The following CRAMP1 variants were observed in gnomAD, a reference collection of about 807,000 sequenced individuals.
The protein encoded by CRAMP1 is cramped chromatin regulator 1.
A neutral mutation model predicts 115.4 loss-of-function variants in CRAMP1; 50 were observed. That is an observed-to-expected ratio of 0.43 (90% CI 0.35 to 0.55). CRAMP1 has a LOEUF of 0.55. Among genes scored for constraint, CRAMP1 ranks in the 20% least tolerant of loss-of-function variants. The probability of loss-of-function intolerance (pLI) is 0.01; values close to 1 mark genes in which losing one functional copy is unlikely to be tolerated. For missense variants in CRAMP1, 1,679 were observed against 1,721.7 expected, an observed-to-expected ratio of 0.98 and a Z score of 0.44; for synonymous variants, 866 against 745.4, an observed-to-expected ratio of 1.16 and a Z score of -2.64.
chr16:1,658,535 G>T (rs1252456491), intron 10 of CRAMP1, among the ~76,000 whole-genome samples: 1 of 152,160 alleles, frequency 6.6e-6, no homozygotes, highest in African/African-American at 2.4e-5. Context: ...TAGGGAGGCT[G>T]ACTTGGGGTG....
In CRAMP1 at chr16:1,671,906, T is replaced by A. The variant is rs2036926293; in HGVS notation, c.3645+1097T>A. Among the ~76,000 whole-genome samples the A allele has an allele frequency of 6.6e-6, 1 of 152,208 alleles. No homozygotes were observed. The highest frequency in any genetic ancestry group is 2.4e-5 in the African/African-American group (1 of 41,458). Reference sequence around the variant, plus strand: ...CAAATATACACATAGACACAATTAATAGCGTAGACCTCCATCTCACAGTGT... The same window carrying A: ...CAAATATACACATAGACACAATTAAAAGCGTAGACCTCCATCTCACAGTGT... On this transcript the variant is annotated intron_variant, in intron 20 of 20. Coordinates refer to ENST00000397412, the MANE Select transcript of CRAMP1 (RefSeq NM_020825.4). This position sits in a 1 kb window ranked among gnomAD's most constrained non-coding sequence, Gnocchi z 5.0.
At chr16:1,665,266 A>C (rs1567461630) in intron 14 of CRAMP1, 128 bp downstream of exon 14, 1 of 707,038 alleles carries the variant, frequency 1.4e-6, no homozygotes. Flanking sequence ...TCTACCGACA[A>C]ATACCTAATG....
At position 1,655,239 on chromosome 16, in the gene CRAMP1, G is replaced by A. The variant is rs1315005647; in HGVS notation, c.1058G>A (p.Arg353Gln). The A allele has an allele frequency of 6.2e-7, 1 of 1,613,938 alleles. No individual in the cohort carries two copies. The highest frequency in any genetic ancestry group is 1.7e-5 in the Admixed American group (1 of 60,030). ...PRLRMIVELH[R>Q]KVSSLIEFLK... ...CGTAGGATGATCGTGGAGCTACATC[G>A]AAAGGTCTCCAGCCTCATCGAATTC... Residue 353 changes from arginine (R) to glutamine (Q), a missense_variant, in exon 9 of 21, where the codon CGA (arginine) becomes CAA (glutamine). This residue lies in a region of CRAMP1 where 191 missense variants were observed against 236.2 expected (regional missense o/e 0.81). Coordinates refer to ENST00000397412, the MANE Select transcript of CRAMP1 (RefSeq NM_020825.4).
At chr16:1,615,848 G>A (rs1313087189) in intron 2 of CRAMP1, among the ~76,000 whole-genome samples, 2 of 152,140 alleles carry the variant, frequency 1.3e-5, no homozygotes, top group Non-Finnish European at 2.9e-5. Context: ...TCAGCTTCCA[G>A]TGAGTTTCAC....
At chr16:1,663,660 C>A (rs558827544) in intron 13 of CRAMP1, among the ~76,000 whole-genome samples, 95 of 152,268 alleles carry the variant, frequency 6.2e-4, no homozygotes, top group Non-Finnish European at 9.7e-4. Flanking sequence ...TGTACGACGA[C>A]CATCACCATG....
chr16:1,666,296 A>G lies in CRAMP1; in HGVS notation c.2857+119A>G, dbSNP rs1316640459. ...TAATGTCTCATTACCCTTCACCAAG[A>G]ACATCTAAGCCCTTGGCTCTTGCAT... On this transcript the variant is annotated intron_variant, in intron 15 of 20. Transcript: ENST00000397412. This position sits in a 1 kb window ranked among gnomAD's most constrained non-coding sequence, Gnocchi z 5.0. The G allele has an allele frequency of 8.5e-6, 10 of 1,180,642 alleles. No individual in the cohort carries two copies. Among genetic ancestry groups the G allele is most frequent in the Non-Finnish European group, 1.2e-5 (10 of 818,222 alleles). 73.1% of individuals were successfully genotyped at this position (1,180,642 alleles called of 1,614,324 possible).
chr16:1,651,070 C>G (rs754884801), intron 6 of CRAMP1, among the ~76,000 whole-genome samples: 12 of 149,824 alleles, frequency 8.0e-5, no homozygotes, highest in Non-Finnish European at 1.3e-4. Flanking sequence ...ACAGAGGTCA[C>G]GGAGAAGTGG....
At chr16:1,667,575 T>C (rs949291110) in intron 17 of CRAMP1, among the ~76,000 whole-genome samples, 175 bp downstream of exon 17, 2 of 152,200 alleles carry the variant, frequency 1.3e-5, no homozygotes, top group African/African-American at 4.8e-5. Flanking sequence ...TGAATATGGC[T>C]GTCCGCCACC....
chr16:1,665,636 A>AC (rs2036868150), intron 14 of CRAMP1: 1 of 217,774 alleles, frequency 4.6e-6, no homozygotes, highest in Non-Finnish European at 9.2e-6. Flanking sequence ...TTATTGCAAG[A>AC]CCCTTAACAG....
intron 2 of CRAMP1, 161 bp from the exon 3 acceptor site, chr16:1,625,812 C>T (rs1012654195): frequency 1.6e-5 from 10 of 619,832 alleles, no homozygotes; most frequent in South Asian, 6.2e-5. Flanking sequence ...TAAGCAGCCT[C>T]GCTGGTGCCG....
rs1183078773 is a variant in CRAMP1, at chr16:1,667,502, C to T, written c.3102+102C>T. 5.6e-6 allele frequency: 5 copies of T among 889,016 alleles called. No individual in the cohort carries two copies. The Admixed American group carries it at 9.6e-5, about 17-fold the overall frequency. The allele number at this position is 889,016 out of a possible 1,614,324, so 55.1% of individuals were successfully genotyped here. ...GTCTTGGAGTGGCCCGGCTTCTCTC[C>T]TAGACTGTGCAGTGGCTTTGCTGTT... On this transcript the variant is annotated intron_variant, in intron 17 of 20. Transcript: ENST00000397412.
rs1389758487 is a variant in CRAMP1, at chr16:1,612,493, G to T, written c.-166G>T. On this transcript the variant is annotated 5_prime_UTR_variant, in exon 1 of 21. Transcript: ENST00000397412. ...CCGGCCCGCGGAGGGGACGTGCCGG[G>T]GCTAGCGCCGCTCGACCAGTCGCTT... The T allele has an allele frequency of 6.6e-6, 1 of 151,572 alleles. No homozygotes were observed. The highest frequency in any genetic ancestry group is 2.4e-5 in the African/African-American group (1 of 41,384). 9.4% of individuals were successfully genotyped at this position (151,572 alleles called of 1,614,324 possible). A position where few individuals can be genotyped will look rare whatever the true frequency, so the allele number is the denominator to read the frequency against.
intron 11 of CRAMP1, among the ~76,000 whole-genome samples, chr16:1,661,853 G>A (rs1369804928): frequency 6.6e-6 from 1 of 152,176 alleles, no homozygotes; most frequent in Non-Finnish European, 1.5e-5. Context: ...CACTGACAGT[G>A]ATGAAAACAT....
chr16:1,629,166 A>G (rs1374870783), intron 3 of CRAMP1, among the ~76,000 whole-genome samples: 1 of 152,164 alleles, frequency 6.6e-6, no homozygotes, highest in Non-Finnish European at 1.5e-5. Flanking sequence ...TGACAGCCAC[A>G]CAGCCAGCGT....
intron 2 of CRAMP1, among the ~76,000 whole-genome samples, chr16:1,617,399 G>T (rs1324317586): frequency 6.6e-6 from 1 of 152,220 alleles, no homozygotes; most frequent in African/African-American, 2.4e-5. Context: ...AGAAAAGAAG[G>T]CCAGGTGGTG....
chr16:1,640,692 G>A (rs1381430423), intron 5 of CRAMP1, among the ~76,000 whole-genome samples: 2 of 152,236 alleles, frequency 1.3e-5, no homozygotes, highest in Non-Finnish European at 2.9e-5. Context: ...TGCCTTGGGG[G>A]TTCCACACTG....
chr16:1,662,725 G>A (rs774402409), intron 12 of CRAMP1, 36 bp from the exon 13 acceptor site: 12 of 1,613,436 alleles, frequency 7.4e-6, no homozygotes, highest in Non-Finnish European at 9.3e-6. Flanking sequence ...GGTCTGGAGA[G>A]TGCACCTTCA....
chr16:1,655,513 C>T (rs1237062318), intron 9 of CRAMP1, among the ~76,000 whole-genome samples: 2 of 152,220 alleles, frequency 1.3e-5, no homozygotes, highest in Non-Finnish European at 2.9e-5. Context: ...AACTCAGTCA[C>T]AGCCAGCCCT....
In CRAMP1 at chr16:1,666,635, A is replaced by G. The variant is rs187515376; in HGVS notation, c.3036+35A>G. 7.7e-5 allele frequency: 122 copies of G among 1,591,360 alleles called. No homozygotes were observed. The East Asian group carries it at 2.6e-3, about 34-fold the overall frequency. On this transcript the variant is annotated intron_variant, in intron 16 of 20. Coordinates refer to ENST00000397412, the MANE Select transcript of CRAMP1 (RefSeq NM_020825.4). The surrounding 1 kb of genome is among the most constrained non-coding windows in gnomAD (Gnocchi z 5.0). ...TTTAGAAGGGCTTTTCAGCATTACC[A>G]CCAACTTCTGGTGTGGACGCCAAAG... is the stretch of plus-strand genomic sequence containing the variant.
Sources: allele counts gnomAD v4.1 joint callset (sites outside exome capture counted in the v4.1 genomes callset), GRCh38; gene constraint gnomAD v4.1.1; regional missense constraint gnomAD v4.1.1; non-coding constraint Gnocchi (gnomAD v3.1); transcripts MANE v1.5; gene names NCBI Gene and HGNC (gene_info 2026-07-23, HGNC 2026-07-21).